PSMG1: variants seen among roughly 807,000 people sequenced by gnomAD.
PSMG1 encodes proteasome assembly chaperone 1.
PSMG1 carries 23 observed loss-of-function variants against 37.2 expected under a neutral mutation model. The ratio of observed to expected loss-of-function variants is 0.62; its 90% CI spans 0.44 to 0.88. The LOEUF is 0.88. Among genes scored for constraint, PSMG1 ranks in the 40% least tolerant of loss-of-function variants. The pLI is 0.00. For synonymous variants in PSMG1, 127 were observed against 128.0 expected (o/e 0.99, Z 0.05); for missense variants, 340 against 344.2 (o/e 0.99, Z 0.10).
intron 5 of PSMG1, 72 bp from the exon 6 acceptor site, chr21:39,177,643 TAATAAAGG>T: frequency 8.5e-7 from 1 of 1,181,880 alleles, no homozygotes. Context: ...CACCTTTAAA[TAATAAAGG>T]CTGTTGTTAA....
chr21:39,179,947 G>C lies in PSMG1; in HGVS notation c.433C>G (p.Gln145Glu), dbSNP rs1436434533. Residue 145 changes from glutamine (Q) to glutamate (E), a missense_variant, in exon 4 of 7, where the codon CAA becomes GAA. Coordinates refer to ENST00000331573, the MANE Select transcript of PSMG1 (RefSeq NM_003720.4). Reference sequence around the variant, plus strand: ...ACCTTTTCCAGCCACTGATACTGTTGATCTTCTGCAACATAGCAACTGCAC... The same window carrying C: ...ACCTTTTCCAGCCACTGATACTGTTCATCTTCTGCAACATAGCAACTGCAC... The part of the protein sequence containing the change: ...CQCSCYVAED[Q>E]QYQWLEKVFG... 1 of 1,612,986 alleles carries C rather than the reference G, an allele frequency of 6.2e-7. No individual in the cohort carries two copies. The highest frequency in any genetic ancestry group is 1.7e-5 in the Admixed American group (1 of 60,014).
chr21:39,175,720 A>C, intron 6 of PSMG1, 56 bp from the exon 7 acceptor site: 1 of 1,119,978 alleles, frequency 8.9e-7, no homozygotes, highest in Non-Finnish European at 1.4e-6. Flanking sequence ...AGGCAGAGGC[A>C]ACACCCCTCC....
At chr21:39,183,514 G>GCCCAAGCTCGCGGCCACAC (rs2030962349), upstream of PSMG1, 2 of 1,190,872 alleles carry the variant, frequency 1.7e-6, no homozygotes, top group Admixed American at 4.0e-5. Context: ...TCCGCGCACA[G>GCCCAAGCTCGCGGCCACAC]CCCAAGCTCG....
chr21:39,179,866 C>T, intron 4 of PSMG1, 58 bp downstream of exon 4: 1 of 1,457,606 alleles, frequency 6.9e-7, no homozygotes, highest in Admixed American at 1.9e-5. Context: ...ACATCGAACC[C>T]TTAAAAAATG....
At chr21:39,179,604 A>G (rs1265418283) in intron 4 of PSMG1, among the ~76,000 whole-genome samples, 1 of 152,132 alleles carries the variant, frequency 6.6e-6, no homozygotes, top group African/African-American at 2.4e-5. Flanking sequence ...AAAGTGATGT[A>G]AACAAAGAAA....
chr21:39,183,508 C>T, upstream of PSMG1: 2 of 1,247,590 alleles, frequency 1.6e-6, no homozygotes, highest in Non-Finnish European at 2.1e-6. Context: ...ACGCCCTCCG[C>T]GCACAGCCCA....
rs559343997 is a variant in PSMG1, at chr21:39,180,856, G to A, written c.242-420C>T. The stretch of plus-strand genomic sequence containing the variant: ...CCTGAATGTTCTCATCACAACCTGT[G>A]AACACCCTAAAAATATAAAGGTCTA... On this transcript the variant is annotated intron_variant, in intron 2 of 6. Transcript: ENST00000331573. 1.9e-3 allele frequency among the ~76,000 whole-genome samples: 288 copies of A among 152,186 alleles called. 1 individual carries two copies. The highest frequency in any genetic ancestry group is 3.4e-3 in the Non-Finnish European group (232 of 68,000).
Position 39,176,970 on chromosome 21 carries a change from A to G in PSMG1, c.792+465T>C, listed in dbSNP as rs1342406942. Among the ~76,000 whole-genome samples the G allele has an allele frequency of 2.6e-5, 4 of 152,230 alleles. No individual in the cohort carries two copies. The East Asian group carries it at 7.7e-4, about 29-fold the overall frequency. ...CGTGTTCCAATTTTTTTAGAAAATG[A>G]GACCAAAGGTATAAACCAAGGGTAA... On this transcript the variant is annotated intron_variant, in intron 6 of 6. Coordinates refer to ENST00000331573, the MANE Select transcript of PSMG1 (RefSeq NM_003720.4).
At chr21:39,181,429 C>A (rs535233988) in intron 2 of PSMG1, among the ~76,000 whole-genome samples, 1 of 152,000 alleles carries the variant, frequency 6.6e-6, no homozygotes, top group South Asian at 2.1e-4. Context: ...AGCCACTGCA[C>A]CCAGCCTAAA....
intron 3 of PSMG1, 25 bp from the exon 4 acceptor site, chr21:39,180,011 T>G: frequency 6.3e-7 from 1 of 1,594,886 alleles, no homozygotes; most frequent in Non-Finnish European, 8.5e-7. Context: ...TCCACGCTTT[T>G]TGTCAAGTAA....
Position 39,183,349 on chromosome 21 carries a change from G to A in PSMG1, c.37C>T (p.Pro13Ser). 6.4e-7 allele frequency: 1 copy of A among 1,573,756 alleles called. No individual in the cohort carries two copies. The change falls in exon 1 of 7, where the codon CCG (proline) becomes TCG (serine). Residue 13 changes from proline to serine, a missense_variant. Pro to Ser is a moderately conservative substitution (Grantham distance 74, BLOSUM62 -1). Coordinates refer to ENST00000331573, the MANE Select transcript of PSMG1 (RefSeq NM_003720.4). The stretch of plus-strand genomic sequence containing the variant: ...TCGTCCTCAGTCCCAGCTCGGCACG[G>A]CGCCTTCACCACCTCTCCGAAGAAC... The part of the protein sequence containing the change: ...ATFFGEVVKA[P>S]CRAGTEDEEE...
chr21:39,177,923 G>A (rs981028522), intron 5 of PSMG1, among the ~76,000 whole-genome samples: 1 of 152,168 alleles, frequency 6.6e-6, no homozygotes, highest in Non-Finnish European at 1.5e-5. Context: ...TCTCATTCTA[G>A]TAAACATTGA....
At chr21:39,181,666 T>C in intron 2 of PSMG1, 106 bp downstream of exon 2, 1 of 702,136 alleles carries the variant, frequency 1.4e-6, no homozygotes. Context: ...ATCACTCTAC[T>C]GTGGCTTTTT....
At chr21:39,177,734 T>C (rs946804848) in intron 5 of PSMG1, among the ~76,000 whole-genome samples, 163 bp from the exon 6 acceptor site, 1 of 152,240 alleles carries the variant, frequency 6.6e-6, no homozygotes, top group Non-Finnish European at 1.5e-5. Context: ...ATGAAGATTT[T>C]CTTTCAAAGT....
chr21:39,180,686 A>G (rs2030796070), intron 2 of PSMG1, among the ~76,000 whole-genome samples: 1 of 152,198 alleles, frequency 6.6e-6, no homozygotes, highest in South Asian at 2.1e-4. Context: ...TTTCTACCAC[A>G]TGCTCACGGG....
chr21:39,178,766 A>G, intron 4 of PSMG1, 119 bp from the exon 5 acceptor site: 1 of 980,602 alleles, frequency 1.0e-6, no homozygotes, highest in Non-Finnish European at 1.5e-6. Flanking sequence ...CAGGGGTGGG[A>G]GTGTGCCTTG....
At chr21:39,181,987 T>A in intron 1 of PSMG1, 109 bp from the exon 2 acceptor site, 1 of 608,962 alleles carries the variant, frequency 1.6e-6, no homozygotes, top group Non-Finnish European at 2.6e-6. Flanking sequence ...GTTAGTTTTA[T>A]AAAGAATATA....
At chr21:39,178,792 C>A (rs145238032) in intron 4 of PSMG1, 145 bp from the exon 5 acceptor site, 2 of 755,862 alleles carry the variant, frequency 2.6e-6, no homozygotes, top group Admixed American at 2.9e-5. Flanking sequence ...ACAGAACACA[C>A]CTGCTGTCAC....
intron 5 of PSMG1, 143 bp downstream of exon 5, chr21:39,178,306 G>A: frequency 1.4e-6 from 1 of 727,388 alleles, no homozygotes; most frequent in South Asian, 2.0e-5. Flanking sequence ...TACTGCACTT[G>A]TAACTACAGA....
Sources: allele counts gnomAD v4.1 joint callset (sites outside exome capture counted in the v4.1 genomes callset), GRCh38; gene constraint gnomAD v4.1.1; transcripts MANE v1.5; gene names NCBI Gene and HGNC (gene_info 2026-07-23, HGNC 2026-07-21).